The following DYNC2H1 variants were observed in gnomAD, a reference collection of about 807,000 sequenced individuals.
The protein encoded by DYNC2H1 is cytoplasmic dynein 2 heavy chain 1.
A neutral mutation model predicts 570.0 loss-of-function variants in DYNC2H1; 410 were observed. That is an observed-to-expected ratio of 0.72 (90% CI 0.66 to 0.78). The LOEUF (loss-of-function observed/expected upper bound fraction) is 0.78. Among genes scored for constraint, DYNC2H1 ranks in the 30% least tolerant of loss-of-function variants. DYNC2H1 has a pLI of 0.00. For missense variants in DYNC2H1, 4,865 were observed against 5,046.4 expected (o/e 0.96, Z 1.09); for synonymous variants, 1,688 against 1,677.6 (o/e 1.01, Z -0.15).
chr11:103,230,671 C>A (rs1486542358), intron 59 of DYNC2H1, among the ~76,000 whole-genome samples: 1 of 152,030 alleles, frequency 6.6e-6, no homozygotes, highest in Non-Finnish European at 1.5e-5. Context: ...CTTTTTTTGG[C>A]TCCTCTTTGT....
At chr11:103,295,879 C>T (rs1000506155) in intron 75 of DYNC2H1, among the ~76,000 whole-genome samples, 1 of 152,172 alleles carries the variant, frequency 6.6e-6, no homozygotes, top group Non-Finnish European at 1.5e-5. Flanking sequence ...GGCCCAGTCT[C>T]AGGATGTTAA....
At position 103,479,114 on chromosome 11, in the gene DYNC2H1, C is replaced by A; in HGVS notation, c.12785C>A (p.Ser4262Tyr). 1 of 1,613,662 alleles carries A rather than the reference C, an allele frequency of 6.2e-7. No individual in the cohort carries two copies. The highest frequency in any genetic ancestry group is 8.5e-7 in the Non-Finnish European group (1 of 1,179,694). ...WIPQDACGPY[S>Y]PDECISLPVY... is the part of the protein sequence containing the mutation. ...AAACAGGATGCATGTGGTCCATATT[C>A]TCCGGATGAGTGCATCTCTTTGCCT... The change falls in exon 89 of 89, where the codon TCT (serine) becomes TAT (tyrosine). Residue 4262 changes from serine (S) to tyrosine (Y), a missense_variant. By Grantham distance (144) the Ser-to-Tyr change is moderately radical. Coordinates refer to ENST00000375735, the MANE Select transcript of DYNC2H1 (RefSeq NM_001377.3).
intron 75 of DYNC2H1, among the ~76,000 whole-genome samples, chr11:103,296,701 C>T (rs1396338252): frequency 6.6e-6 from 1 of 151,980 alleles, no homozygotes; most frequent in Non-Finnish European, 1.5e-5. Flanking sequence ...CCATTATCAT[C>T]TTCTCCCACA....
At chr11:103,224,523 C>A (rs1863729243) in intron 59 of DYNC2H1, among the ~76,000 whole-genome samples, 1 of 152,184 alleles carries the variant, frequency 6.6e-6, no homozygotes, top group African/African-American at 2.4e-5. Flanking sequence ...TCCTGAGATA[C>A]TTTACTTAGA....
In DYNC2H1 at chr11:103,255,532, G is replaced by C; in HGVS notation, c.10324G>C (p.Glu3442Gln). 6.5e-7 allele frequency: 1 copy of C among 1,546,376 alleles called. No individual in the cohort carries two copies. The highest frequency in any genetic ancestry group is 2.4e-5 in the East Asian group (1 of 41,092). Reference sequence around the variant, plus strand: ...AGCCAAGCTCGAAGAATCTCTTCTAGAGGTAAAAGTCTAGCTATTTAGGTT... The same window carrying C: ...AGCCAAGCTCGAAGAATCTCTTCTACAGGTAAAAGTCTAGCTATTTAGGTT... ...QLAKLEESLL[E>Q]TLATSQGNIL... The change falls in exon 67 of 89, where the codon GAG becomes CAG. Residue 3442 changes from glutamate to glutamine, a missense_variant and splice_region_variant. Glu to Gln is a conservative substitution (Grantham distance 29). Around this residue, in one of 5 missense-constraint regions of DYNC2H1, gnomAD observed 2,401 missense variants for 2,454.6 expected, o/e 0.98. Transcript: ENST00000375735.
chr11:103,193,365 C>T (rs1184534971), intron 47 of DYNC2H1, among the ~76,000 whole-genome samples: 1 of 152,010 alleles, frequency 6.6e-6, no homozygotes, highest in East Asian at 1.9e-4. Context: ...TCTCTTTTTG[C>T]AAAGAGTGGC....
At chr11:103,123,241 A>C (rs1464117288) in intron 11 of DYNC2H1, among the ~76,000 whole-genome samples, 2 of 152,054 alleles carry the variant, frequency 1.3e-5, no homozygotes, top group African/African-American at 4.8e-5. Flanking sequence ...TTCCCATTTT[A>C]GGATTAGTCT....
At position 103,204,324 on chromosome 11, in the gene DYNC2H1, A is replaced by G. The variant is rs577307853; in HGVS notation, c.8312-498A>G. On this transcript the variant is annotated intron_variant, in intron 51 of 88. Coordinates refer to ENST00000375735, the MANE Select transcript of DYNC2H1 (RefSeq NM_001377.3). This position sits in a 1 kb window ranked among gnomAD's most constrained non-coding sequence, Gnocchi z 4.1. ...CAGAGCCAAACCATATCAATACCTT[A>G]GCAAAATTTTAGCAAACAGGAATGA... Among the ~76,000 whole-genome samples, 19 of 152,300 alleles carry G rather than the reference A, an allele frequency of 1.2e-4. No individual in the cohort carries two copies. Among genetic ancestry groups the G allele is most frequent in the Non-Finnish European group, 2.2e-4 (15 of 68,014 alleles).
At chr11:103,152,548 C>T (rs1363494027) in intron 21 of DYNC2H1, among the ~76,000 whole-genome samples, 1 of 152,042 alleles carries the variant, frequency 6.6e-6, no homozygotes, top group Non-Finnish European at 1.5e-5. Flanking sequence ...CTGTTGCTTA[C>T]CTACTATGTA....
At position 103,135,651 on chromosome 11, in the gene DYNC2H1, A is replaced by G; in HGVS notation, c.2345+17A>G. The G allele has an allele frequency of 6.2e-7, 1 of 1,608,170 alleles. No individual in the cohort carries two copies. Among genetic ancestry groups the G allele is most frequent in the Admixed American group, 1.7e-5 (1 of 58,732 alleles). On this transcript the variant is annotated intron_variant, in intron 16 of 88. Coordinates refer to ENST00000375735, the MANE Select transcript of DYNC2H1 (RefSeq NM_001377.3). ...AACTTACAAGTAAGATGTTTTTTCA[A>G]CCCCAATTTAATGTTCATTGTATAA... is the stretch of plus-strand genomic sequence containing the variant.
At chr11:103,373,179 C>T (rs1367136385) in intron 83 of DYNC2H1, among the ~76,000 whole-genome samples, 1 of 152,114 alleles carries the variant, frequency 6.6e-6, no homozygotes, top group Non-Finnish European at 1.5e-5. Context: ...AGGCAGTCTG[C>T]CCATTTTGGC....
chr11:103,215,731 C>T lies in DYNC2H1; in HGVS notation c.8705C>T (p.Ser2902Phe). Residue 2902 changes from serine to phenylalanine, a missense_variant, in exon 55 of 89, where the codon TCT (serine) becomes TTT (phenylalanine). This residue lies in a region of DYNC2H1 where 2,401 missense variants were observed against 2,454.6 expected (regional missense o/e 0.98). Transcript: ENST00000375735. ...KRQSHLQAGV[S>F]KLNEAKALVD... ...ATTTTATTGATGTAGGCTGGTGTAT[C>T]TAAACTAAATGAAGCTAAAGCTCTT... 1 of 1,607,446 alleles carries T rather than the reference C, an allele frequency of 6.2e-7. No homozygotes were observed. The highest frequency in any genetic ancestry group is 8.5e-7 in the Non-Finnish European group (1 of 1,176,770).
chr11:103,117,272 T>A (rs55885752), intron 5 of DYNC2H1, among the ~76,000 whole-genome samples: 8,568 of 146,976 alleles, frequency 0.058, 366 homozygotes, highest in Non-Finnish European at 0.085. Context: ...ATATATATAT[T>A]TTTTAATATA....
At chr11:103,318,024 C>A (rs930816504) in intron 80 of DYNC2H1, among the ~76,000 whole-genome samples, 1 of 152,016 alleles carries the variant, frequency 6.6e-6, no homozygotes, top group South Asian at 2.1e-4. Flanking sequence ...ATTATTATTT[C>A]AGTTAATAGC....
chr11:103,274,557 T>C, intron 70 of DYNC2H1, among the ~76,000 whole-genome samples: 1 of 152,180 alleles, frequency 6.6e-6, no homozygotes, highest in East Asian at 1.9e-4. Flanking sequence ...TTATAAAATA[T>C]TCATCTTACT....
intron 20 of DYNC2H1, among the ~76,000 whole-genome samples, chr11:103,150,441 G>A (rs1438722395): frequency 4.6e-5 from 7 of 152,128 alleles, no homozygotes; most frequent in Admixed American, 3.3e-4. Context: ...GGTGTGGTTA[G>A]AGGAAGATAA....
chr11:103,182,781 A>G (rs1195254841), intron 40 of DYNC2H1, among the ~76,000 whole-genome samples: 1 of 151,964 alleles, frequency 6.6e-6, no homozygotes, highest in Non-Finnish European at 1.5e-5. Context: ...AAAGTATCTG[A>G]TTGTGATTGT....
At chr11:103,251,967 A>G (rs1864850310) in intron 65 of DYNC2H1, among the ~76,000 whole-genome samples, 2 of 149,288 alleles carry the variant, frequency 1.3e-5, no homozygotes, top group South Asian at 4.2e-4. Context: ...GTTGCCCACC[A>G]GGCTTGAGTA....
chr11:103,304,577 G>A lies in DYNC2H1; in HGVS notation c.11257-18G>A, dbSNP rs1555095750. Reference sequence around the variant, plus strand: ...GCAGATCTGTTTTTAAATTTTGTTTGTTTTTTTGCTTTTGTAGGTTGCCAT... The same window carrying A: ...GCAGATCTGTTTTTAAATTTTGTTTATTTTTTTGCTTTTGTAGGTTGCCAT... On this transcript the variant is annotated intron_variant, in intron 76 of 88. Coordinates refer to ENST00000375735, the MANE Select transcript of DYNC2H1 (RefSeq NM_001377.3). The A allele has an allele frequency of 1.2e-6, 2 of 1,603,664 alleles. No individual in the cohort carries two copies. Among genetic ancestry groups the A allele is most frequent in the Admixed American group, 1.7e-5 (1 of 59,126 alleles).
Sources: allele counts gnomAD v4.1 joint callset (sites outside exome capture counted in the v4.1 genomes callset), GRCh38; gene constraint gnomAD v4.1.1; regional missense constraint gnomAD v4.1.1; non-coding constraint Gnocchi (gnomAD v3.1); transcripts MANE v1.5; gene names NCBI Gene and HGNC (gene_info 2026-07-23, HGNC 2026-07-21).